Variants in SPATA1 observed in about 807,000 individuals in gnomAD.
SPATA1 encodes spermatogenesis associated 1.
SPATA1 carries 57 observed loss-of-function variants against 59.6 expected under a neutral mutation model. That is an observed-to-expected ratio of 0.96 (90% CI 0.77 to 1.19). SPATA1 has a LOEUF of 1.19. SPATA1 is among the 50% of genes most tolerant of loss of function. SPATA1 has a pLI of 0.00. For synonymous variants in SPATA1, 147 were observed against 163.9 expected (o/e 0.90, Z 0.79); for missense variants, 448 against 480.7 (o/e 0.93, Z 0.64).
downstream of SPATA1, among the ~76,000 whole-genome samples, chr1:84,555,673 G>A (rs1021361055): frequency 5.9e-5 from 9 of 152,166 alleles, no homozygotes; most frequent in South Asian, 2.1e-4. Context: ...CTTAGCCAGT[G>A]ATTATTAGCC....
downstream of SPATA1, among the ~76,000 whole-genome samples, chr1:84,556,317 A>T (rs1684427728): frequency 6.6e-6 from 1 of 152,160 alleles, no homozygotes; most frequent in South Asian, 2.1e-4. Context: ...AAAATAATTT[A>T]CTTATTTTTA....
At position 84,513,231 on chromosome 1, in the gene SPATA1, G is replaced by C. The variant is rs368507038; in HGVS notation, c.-137-2992G>C. ...GCTCTCCGCACCCTCCGTCTCCCGGGTTCAGGCAATTCTTCTGCCTCAGTC... is the reference window on the plus strand; with the variant it reads ...GCTCTCCGCACCCTCCGTCTCCCGGCTTCAGGCAATTCTTCTGCCTCAGTC... On this transcript the variant is annotated intron_variant, in intron 1 of 12. Coordinates refer to ENST00000490879, the Ensembl canonical transcript of SPATA1. Among the ~76,000 whole-genome samples, 47 of 152,330 alleles carry C rather than the reference G, an allele frequency of 3.1e-4. No homozygotes were observed. In the South Asian group the frequency reaches 9.5e-3, roughly 31 times the overall value.
intron 10 of SPATA1, among the ~76,000 whole-genome samples, chr1:84,547,754 G>T (rs1211179967): frequency 2.0e-5 from 3 of 152,144 alleles, no homozygotes; most frequent in Non-Finnish European, 4.4e-5. Context: ...AAGAAGGAAT[G>T]CAGAGGGGGA....
chr1:84,567,323 GTATAT>G (rs1684720093), downstream of SPATA1, among the ~76,000 whole-genome samples: 1 of 152,058 alleles, frequency 6.6e-6, no homozygotes, highest in Non-Finnish European at 1.5e-5. Flanking sequence ...AAAATGAGAG[GTATAT>G]TATAGTAATA....
chr1:84,536,266 A>G (rs111970894), intron 8 of SPATA1, among the ~76,000 whole-genome samples: 178 of 152,362 alleles, frequency 1.2e-3, no homozygotes, highest in African/African-American at 4.0e-3. Flanking sequence ...TTAATGTGCT[A>G]GCTCCAGCAA....
intron 4 of SPATA1, among the ~76,000 whole-genome samples, chr1:84,561,912 A>C (rs1684603531): frequency 6.6e-6 from 1 of 152,192 alleles, no homozygotes; most frequent in Non-Finnish European, 1.5e-5. Flanking sequence ...TGCACAGGGA[A>C]ACAAAAAATT....
At chr1:84,523,062 G>A (rs574958777) in intron 4 of SPATA1, among the ~76,000 whole-genome samples, 6 of 151,910 alleles carry the variant, frequency 3.9e-5, no homozygotes, top group South Asian at 2.1e-4. Context: ...GCGACACCAC[G>A]CCCGGCTAAG....
intron 9 of SPATA1, among the ~76,000 whole-genome samples, chr1:84,545,347 A>G (rs1204913929): frequency 6.6e-6 from 1 of 151,784 alleles, no homozygotes; most frequent in East Asian, 1.9e-4. Context: ...GAGTTAAACC[A>G]AAGAATATCA....
intron 8 of SPATA1, among the ~76,000 whole-genome samples, chr1:84,537,048 T>A (rs1683724121): frequency 6.6e-6 from 1 of 151,666 alleles, no homozygotes; most frequent in Non-Finnish European, 1.5e-5. Flanking sequence ...CCCAGCTAAT[T>A]TTTGTAGTTT....
chr1:84,550,515 C>A, exon 12 of SPATA1: 2 of 1,545,190 alleles, frequency 1.3e-6, no homozygotes, highest in Admixed American at 1.9e-5. Flanking sequence ...AAATGAAACT[C>A]ATAGTAGAAG....
intron 4 of SPATA1, chr1:84,563,378 GC>G (rs758636345): frequency 6.3e-7 from 1 of 1,580,108 alleles, no homozygotes; most frequent in Non-Finnish European, 8.6e-7. Context: ...ACTACAAGGA[GC>G]CCCCCGGAAA....
At chr1:84,565,509 G>T (rs538972348) in intron 4 of SPATA1, among the ~76,000 whole-genome samples, 2 of 152,084 alleles carry the variant, frequency 1.3e-5, no homozygotes, top group Non-Finnish European at 2.9e-5. Flanking sequence ...GTGATTTCAT[G>T]ACAAGAATAT....
At chr1:84,564,288 G>T (rs1456330452) in intron 4 of SPATA1, among the ~76,000 whole-genome samples, 1 of 152,136 alleles carries the variant, frequency 6.6e-6, no homozygotes, top group African/African-American at 2.4e-5. Context: ...GTAAGCTGGG[G>T]ATAAGAAATG....
chr1:84,525,802 T>G, intron 5 of SPATA1, 43 bp from the exon 6 acceptor site: 2 of 1,607,316 alleles, frequency 1.2e-6, no homozygotes, highest in Non-Finnish European at 1.7e-6. Flanking sequence ...AGAGCACTGC[T>G]TTTAATTGCA....
At chr1:84,526,867 C>CAAA (rs761804155) in intron 6 of SPATA1, among the ~76,000 whole-genome samples, 1 of 60,582 alleles carries the variant, frequency 1.7e-5, no homozygotes, top group Admixed American at 1.8e-4. Context: ...GACTTTGTCT[C>CAAA]AAAAAAAAAA....
chr1:84,547,480 G>T (rs1049515928), intron 10 of SPATA1, among the ~76,000 whole-genome samples: 2 of 152,168 alleles, frequency 1.3e-5, no homozygotes, highest in Non-Finnish European at 2.9e-5. Flanking sequence ...TTCCCTATGG[G>T]AAGAGACAGA....
chr1:84,514,084 A>G (rs987700803), intron 1 of SPATA1, among the ~76,000 whole-genome samples: 2 of 151,984 alleles, frequency 1.3e-5, no homozygotes, highest in Non-Finnish European at 2.9e-5. Context: ...ACCTCAGGCA[A>G]TCCGCCCCTC....
intron 1 of SPATA1, among the ~76,000 whole-genome samples, chr1:84,513,981 A>G (rs915025701): frequency 6.6e-6 from 1 of 151,600 alleles, no homozygotes; most frequent in Non-Finnish European, 1.5e-5. Context: ...AGCTGGGATT[A>G]CAGGCACACA....
intron 6 of SPATA1, chr1:84,527,724 T>C (rs1683287960): frequency 6.8e-6 from 1 of 146,260 alleles, no homozygotes; most frequent in Non-Finnish European, 1.5e-5. Context: ...TATAGTGCAA[T>C]GAGCAACATT....
Sources: gnomAD v4.1 joint callset for allele counts (sites outside exome capture counted in the v4.1 genomes callset) on GRCh38, gnomAD v4.1.1 for gene constraint, MANE v1.5 for transcripts, NCBI Gene and HGNC (gene_info 2026-07-23, HGNC 2026-07-21) for gene names.